The following MLLT3 variants were observed in gnomAD, a reference collection of about 807,000 sequenced individuals.
MLLT3 encodes MLLT3 super elongation complex subunit.
MLLT3 carries 4 observed loss-of-function variants against 53.2 expected under a neutral mutation model. The observed-to-expected ratio is 0.08, with a 90% CI of 0.04 to 0.17. The LOEUF (loss-of-function observed/expected upper bound fraction) is 0.17. Ranked by LOEUF, MLLT3 falls within the 10% of genes least tolerant of loss-of-function variation. The pLI, the probability that MLLT3 is intolerant of heterozygous loss-of-function variation, is 1.00. For missense variants in MLLT3, 569 were observed against 684.0 expected (o/e 0.83, Z 1.87); for synonymous variants, 283 against 230.6 (o/e 1.23, Z -2.06).
chr9:20,539,011 A>G (rs1408367988), intron 2 of MLLT3, among the ~76,000 whole-genome samples: 1 of 152,280 alleles, frequency 6.6e-6, no homozygotes, highest in Non-Finnish European at 1.5e-5. Context: ...TTGAGCATTC[A>G]GCAAATCATA....
intron 2 of MLLT3, among the ~76,000 whole-genome samples, chr9:20,492,944 A>G (rs1407077641): frequency 6.6e-6 from 1 of 152,012 alleles, no homozygotes; most frequent in Non-Finnish European, 1.5e-5. Flanking sequence ...GACCTATCCA[A>G]TTGATTGTCT....
chr9:20,535,421 C>T (rs1818455848), intron 2 of MLLT3, among the ~76,000 whole-genome samples: 1 of 152,110 alleles, frequency 6.6e-6, no homozygotes, highest in Admixed American at 6.5e-5. Flanking sequence ...AGTACAGCAG[C>T]ACCACAGGGT....
At chr9:20,451,741 T>C (rs907444438) in intron 3 of MLLT3, among the ~76,000 whole-genome samples, 1 of 152,184 alleles carries the variant, frequency 6.6e-6, no homozygotes, top group African/African-American at 2.4e-5. Context: ...AATATCAAGT[T>C]ACCCTCTCTC....
chr9:20,560,392 A>C (rs1172033866), intron 2 of MLLT3, among the ~76,000 whole-genome samples: 1 of 152,228 alleles, frequency 6.6e-6, no homozygotes, highest in Admixed American at 6.5e-5. Context: ...TACATACTAA[A>C]TAAGCATGAT....
chr9:20,397,277 TTGGTTTCTAAAA>T (rs1368294653), intron 5 of MLLT3, among the ~76,000 whole-genome samples: 2 of 152,172 alleles, frequency 1.3e-5, no homozygotes, highest in Non-Finnish European at 2.9e-5. Flanking sequence ...TTGTACATTA[TTGGTTTCTAAAA>T]CATTTAATTA....
intron 5 of MLLT3, among the ~76,000 whole-genome samples, chr9:20,372,393 TTTTC>T (rs1236396428): frequency 1.3e-5 from 2 of 151,886 alleles, no homozygotes; most frequent in African/African-American, 2.4e-5. Flanking sequence ...CATTGTCTTA[TTTTC>T]TTTCTTTCTT....
At chr9:20,434,506 T>C (rs1309426131) in intron 4 of MLLT3, among the ~76,000 whole-genome samples, 1 of 150,680 alleles carries the variant, frequency 6.6e-6, no homozygotes, top group African/African-American at 2.5e-5. Flanking sequence ...TCAGAGGATG[T>C]CTTCAAGGGG....
chr9:20,622,181 G>A, intron 1 of MLLT3, 64 bp downstream of exon 1: 3 of 1,504,490 alleles, frequency 2.0e-6, no homozygotes, highest in South Asian at 2.3e-5. Flanking sequence ...TCTGGGCTGC[G>A]GCGGCGCAGG....
rs191611997 is a variant in MLLT3 at position 20,396,592 on chromosome 9, G to C, written c.1125+17129C>G. Among the ~76,000 whole-genome samples the C allele has an allele frequency of 9.9e-5, 15 of 152,122 alleles. No homozygotes were observed. The East Asian group carries it at 1.7e-3, about 18-fold the overall frequency. ...TCACCAAAATATGGACAATCTGCTTGCCTGGGCCCAAAGTGCTATGGTTCC... is the reference window on the plus strand; with the variant it reads ...TCACCAAAATATGGACAATCTGCTTCCCTGGGCCCAAAGTGCTATGGTTCC... On this transcript the variant is annotated intron_variant, in intron 5 of 10. Coordinates refer to ENST00000380338, the MANE Select transcript of MLLT3 (RefSeq NM_004529.4).
intron 5 of MLLT3, among the ~76,000 whole-genome samples, chr9:20,388,043 G>A (rs1242472695): frequency 6.6e-6 from 1 of 152,076 alleles, no homozygotes; most frequent in African/African-American, 2.4e-5. Context: ...CCAATTTGAT[G>A]TTTATGAAGA....
At chr9:20,356,441 G>C (rs1157276756) in intron 8 of MLLT3, among the ~76,000 whole-genome samples, 6 of 151,998 alleles carry the variant, frequency 3.9e-5, no homozygotes, top group African/African-American at 1.5e-4. Context: ...TTGAAAGTGA[G>C]ATCTCAAGGG....
intron 2 of MLLT3, among the ~76,000 whole-genome samples, chr9:20,550,496 T>C (rs1818899633): frequency 6.6e-6 from 1 of 152,148 alleles, no homozygotes; most frequent in Non-Finnish European, 1.5e-5. Context: ...AGTGGCACAA[T>C]CACAGCTCAC....
At chr9:20,389,715 G>A (rs1455525116) in intron 5 of MLLT3, among the ~76,000 whole-genome samples, 1 of 152,084 alleles carries the variant, frequency 6.6e-6, no homozygotes, top group Non-Finnish European at 1.5e-5. Flanking sequence ...AAGAGTTCAA[G>A]GTTACAGTGT....
chr9:20,537,103 G>A (rs775869020), intron 2 of MLLT3, among the ~76,000 whole-genome samples: 4 of 152,142 alleles, frequency 2.6e-5, no homozygotes, highest in Non-Finnish European at 5.9e-5. Flanking sequence ...GGCCATATAT[G>A]AGCTGTTTCA....
intron 2 of MLLT3, among the ~76,000 whole-genome samples, chr9:20,594,491 T>C (rs1246572560): frequency 1.3e-5 from 2 of 152,142 alleles, no homozygotes; most frequent in Non-Finnish European, 2.9e-5. Flanking sequence ...GGGGGCAATA[T>C]GTCAGAGGTG....
chr9:20,363,426 A>G (rs573401263), intron 7 of MLLT3, 50 bp downstream of exon 7: 2 of 1,600,546 alleles, frequency 1.2e-6, no homozygotes, highest in Admixed American at 3.4e-5. Context: ...AGGGCTTGTG[A>G]AAGAGTCTGA....
At chr9:20,381,262 A>G (rs1821902034) in intron 5 of MLLT3, among the ~76,000 whole-genome samples, 1 of 151,976 alleles carries the variant, frequency 6.6e-6, no homozygotes, top group Non-Finnish European at 1.5e-5. Flanking sequence ...TACATATAAT[A>G]TTAACTATTT....
chr9:20,529,140 C>A (rs77514491), intron 2 of MLLT3, among the ~76,000 whole-genome samples: 5 of 152,296 alleles, frequency 3.3e-5, no homozygotes, highest in African/African-American at 1.2e-4. Flanking sequence ...CCTGAGACTA[C>A]GCCTTACAAT....
chr9:20,393,473 G>A (rs1364005536), intron 5 of MLLT3, among the ~76,000 whole-genome samples: 2 of 152,108 alleles, frequency 1.3e-5, no homozygotes, highest in Non-Finnish European at 2.9e-5. Flanking sequence ...CACTTAGAAC[G>A]CTATCTTTAA....
Sources: gnomAD v4.1 joint callset for allele counts (sites outside exome capture counted in the v4.1 genomes callset) on GRCh38, gnomAD v4.1.1 for gene constraint, MANE v1.5 for transcripts, NCBI Gene and HGNC (gene_info 2026-07-23, HGNC 2026-07-21) for gene names.